The following F7 variants were observed in gnomAD, a reference collection of about 807,000 sequenced individuals.
The protein encoded by F7 is FVII coagulation protein.
F7 carries 38 observed loss-of-function variants against 47.5 expected under a neutral mutation model. The ratio of observed to expected loss-of-function variants is 0.80; its 90% confidence interval spans 0.62 to 1.05. F7 has a LOEUF of 1.05. Ranked by LOEUF, F7 falls within the 50% of genes least tolerant of loss-of-function variation. The pLI, the probability that F7 is intolerant of heterozygous loss-of-function variation, is 0.00. For missense variants in F7, 575 were observed against 605.4 expected (o/e 0.95, Z 0.53); for synonymous variants, 244 against 258.5 (o/e 0.94, Z 0.54).
chr13:113,115,514 G>T (rs2036177525), intron 4 of F7, 146 bp from the exon 5 acceptor site: 2 of 825,572 alleles, frequency 2.4e-6, no homozygotes, highest in South Asian at 3.1e-5. Flanking sequence ...CGGAGCAGGT[G>T]GTGCCAAGCT....
Position 113,113,774 on chromosome 13 carries a change from G to A in F7, c.248G>A (p.Ser83Asn), listed in dbSNP as rs370535984. 1.4e-5 allele frequency: 22 copies of A among 1,614,074 alleles called. No homozygotes were observed. The African/African-American group carries it at 1.6e-4, about 12-fold the overall frequency. ...CAGAAGCTGTTCTGGATTTCTTACA[G>A]TGGTGAGTGGATGATCACCACCAGT... is the stretch of plus-strand genomic sequence containing the variant. ...ERTKLFWISY[S>N]DGDQCASSPC... The change falls in exon 3 of 8, where the codon AGT becomes AAT. Residue 83 changes from serine (S) to asparagine (N), a missense_variant and splice_region_variant. Coordinates refer to ENST00000346342, the MANE Select transcript of F7 (RefSeq NM_019616.4). This position sits in a 1 kb window ranked among gnomAD's most constrained non-coding sequence, Gnocchi z 4.1.
chr13:113,117,031 A>C (rs778594370), intron 6 of F7, 156 bp downstream of exon 6: 2 of 702,922 alleles, frequency 2.8e-6, no homozygotes, highest in Non-Finnish European at 2.6e-6. Flanking sequence ...CGGCACCCCC[A>C]TGCTTTTAGT....
Position 113,119,046 on chromosome 13 carries a change from G to A in F7, c.*38G>A. 1 of 1,582,442 alleles carries A rather than the reference G, an allele frequency of 6.3e-7. No individual in the cohort carries two copies. The highest frequency in any genetic ancestry group is 8.6e-7 in the Non-Finnish European group (1 of 1,167,214). ...GGCCTGTGGAGAGAAAGCCAAGGCT[G>A]CGTCGAACTGTCCTGGCACCAAATC... On this transcript the variant is annotated 3_prime_UTR_variant, in exon 8 of 8. Coordinates refer to ENST00000346342, the MANE Select transcript of F7 (RefSeq NM_019616.4).
Position 113,116,814 on chromosome 13 carries a change from G to C in F7, c.554G>C (p.Ser185Thr). ...CCTATTCTAGAAAAAAGAAATGCCA[G>C]CAAACCCCAAGGCCGAATTGTGGGG... ...KIPILEKRNA[S>T]KPQGRIVGGK... is the part of the protein sequence containing the mutation. The change falls in exon 6 of 8, where the codon AGC becomes ACC. Residue 185 changes from serine (S) to threonine (T), a missense_variant. By Grantham distance (58) the Ser-to-Thr change is moderately conservative. Coordinates refer to ENST00000346342, the MANE Select transcript of F7 (RefSeq NM_019616.4). The C allele has an allele frequency of 6.2e-7, 1 of 1,613,924 alleles. No individual in the cohort carries two copies. Among genetic ancestry groups the C allele is most frequent in the South Asian group, 1.1e-5 (1 of 91,082 alleles).
At position 113,118,840 on chromosome 13, in the gene F7, C is replaced by G. The variant is rs745638248; in HGVS notation, c.1167C>G (p.His389Gln). The change falls in exon 8 of 8, where the codon CAC (histidine) becomes CAG (glutamine). Residue 389 changes from histidine (H) to glutamine (Q), a missense_variant. His to Gln is a conservative substitution (Grantham distance 24). Coordinates refer to ENST00000346342, the MANE Select transcript of F7 (RefSeq NM_019616.4). ...ACAGTGGAGGCCCACATGCCACCCA[C>G]TACCGGGGCACGTGGTACCTGACGG... is the stretch of plus-strand genomic sequence containing the variant. ...KGDSGGPHAT[H>Q]YRGTWYLTGI... 6.2e-7 allele frequency: 1 copy of G among 1,612,848 alleles called. No homozygotes were observed. Among genetic ancestry groups the G allele is most frequent in the South Asian group, 1.1e-5 (1 of 91,072 alleles).
intron 4 of F7, among the ~76,000 whole-genome samples, 179 bp from the exon 5 acceptor site, chr13:113,115,481 G>A (rs893671344): frequency 2.6e-5 from 4 of 152,144 alleles, no homozygotes; most frequent in Non-Finnish European, 5.9e-5. Flanking sequence ...TCTGATCCAC[G>A]CCTTGTCCTT....
At chr13:113,107,292 G>T (rs2035981991) in intron 1 of F7, among the ~76,000 whole-genome samples, 1 of 123,612 alleles carries the variant, frequency 8.1e-6, no homozygotes, top group African/African-American at 3.3e-5. Flanking sequence ...TGTCCCAGGA[G>T]TGTGGGTGTC....
At chr13:113,107,048 G>A (rs1407129911) in intron 1 of F7, 2 of 960,954 alleles carry the variant, frequency 2.1e-6, no homozygotes, top group South Asian at 1.5e-5. Context: ...CTGCTCGAGA[G>A]GAAGTGACCG....
Position 113,110,702 on chromosome 13 carries a change from A to C in F7, c.77A>C (p.Gln26Pro). 1 of 1,548,420 alleles carries C rather than the reference A, an allele frequency of 6.5e-7. No individual in the cohort carries two copies. The highest frequency in any genetic ancestry group is 8.7e-7 in the Non-Finnish European group (1 of 1,146,434). The change falls in exon 2 of 8, where the codon CAG becomes CCG. Residue 26 changes from glutamine (Q) to proline (P), a missense_variant. Transcript: ENST00000346342. ...TCGCATTTCCCAGTCTTCGTAACCC[A>C]GGAGGAAGCCCACGGCGTCCTGCAC... The part of the protein sequence containing the change: ...QGCLAAVFVT[Q>P]EEAHGVLHRR...
chr13:113,117,195 G>T (rs11618399), intron 6 of F7, among the ~76,000 whole-genome samples: 8 of 152,360 alleles, frequency 5.3e-5, no homozygotes, highest in Admixed American at 4.6e-4. Flanking sequence ...AGGAGCATTG[G>T]ATCAAAGCTA....
At chr13:113,108,416 T>C (rs1488869714) in intron 1 of F7, among the ~76,000 whole-genome samples, 15 of 18,070 alleles carry the variant, frequency 8.3e-4, no homozygotes, top group Admixed American at 2.9e-3. Flanking sequence ...GTCCCGGGAG[T>C]GTGGGTGTCC....
At chr13:113,114,755 C>G (rs1372037412) in intron 4 of F7, 1 of 153,352 alleles carries the variant, frequency 6.5e-6, no homozygotes, top group Non-Finnish European at 1.5e-5. Context: ...ACATTGTCAG[C>G]TAGACCATCC....
intron 5 of F7, among the ~76,000 whole-genome samples, chr13:113,116,312 T>C (rs897765348): frequency 1.3e-5 from 2 of 152,250 alleles, no homozygotes; most frequent in Non-Finnish European, 2.9e-5. Context: ...AGCCTGGGAC[T>C]CAGCCTGCCA....
Position 113,110,681 on chromosome 13 carries a change from A to G in F7, c.65-9A>G, listed in dbSNP as rs2036073634. ...GCGGTGGGCGCTTCACGGAACTCGC[A>G]TTTCCCAGTCTTCGTAACCCAGGAG... On this transcript the variant is annotated splice_polypyrimidine_tract_variant and intron_variant, in intron 1 of 7. Coordinates refer to ENST00000346342, the MANE Select transcript of F7 (RefSeq NM_019616.4). 13 of 1,547,966 alleles carry G rather than the reference A, an allele frequency of 8.4e-6. No homozygotes were observed. The highest frequency in any genetic ancestry group is 1.1e-5 in the Non-Finnish European group (13 of 1,146,364).
intron 1 of F7, among the ~76,000 whole-genome samples, chr13:113,109,846 G>A (rs2036054783): frequency 6.6e-6 from 1 of 152,198 alleles, no homozygotes; most frequent in Non-Finnish European, 1.5e-5. Flanking sequence ...CCCGGGTGAC[G>A]GTCCCCTCGG....
Position 113,116,280 on chromosome 13 carries a change from G to A in F7, c.505+480G>A, listed in dbSNP as rs757232865. On this transcript the variant is annotated intron_variant, in intron 5 of 7. Coordinates refer to ENST00000346342, the MANE Select transcript of F7 (RefSeq NM_019616.4). ...ACACCCACTGTGTCTCAAAGAGGCG[G>A]ACGTGCCCACCCTGGCCACACAGCC... 2.2e-4 allele frequency among the ~76,000 whole-genome samples: 34 copies of A among 152,210 alleles called. 1 individual carries two copies. The highest frequency in any genetic ancestry group is 4.3e-4 in the Non-Finnish European group (29 of 68,040).
At chr13:113,106,817 T>C in intron 1 of F7, 1 of 1,573,366 alleles carries the variant, frequency 6.4e-7, no homozygotes, top group Non-Finnish European at 8.6e-7. Context: ...AGCATGGCCT[T>C]ATGACCCCGG....
At position 113,115,748 on chromosome 13, in the gene F7, G is replaced by C. The variant is rs2036182824; in HGVS notation, c.453G>C (p.Arg151=). ...ACACGGGCACCAAGCGCTCCTGTCG[G>C]TGCCACGAGGGGTACTCTCTGCTGG... ...SDHTGTKRSC[R]CHEGYSLLAD... is the part of the protein sequence containing the mutation. The change falls in exon 5 of 8, where the codon CGG becomes CGC. Residue 151 remains arginine (R), a synonymous_variant. Transcript: ENST00000346342. 1.2e-6 allele frequency: 2 copies of C among 1,613,230 alleles called. No individual in the cohort carries two copies. The highest frequency in any genetic ancestry group is 1.7e-6 in the Non-Finnish European group (2 of 1,180,038).
intron 2 of F7, among the ~76,000 whole-genome samples, chr13:113,111,734 CAGGGCACACT>C (rs1360098993): frequency 2.0e-4 from 7 of 34,894 alleles, no homozygotes; most frequent in Non-Finnish European, 3.6e-4. Context: ...ACACCTCACA[CAGGGCACACT>C]TCACACTCAC....
Sources: gnomAD v4.1 joint callset for allele counts (sites outside exome capture counted in the v4.1 genomes callset) on GRCh38, gnomAD v4.1.1 for gene constraint, Gnocchi (gnomAD v3.1) non-coding constraint, MANE v1.5 for transcripts, NCBI Gene and HGNC (gene_info 2026-07-23, HGNC 2026-07-21) for gene names.